EML6: variants seen among roughly 807,000 people sequenced by gnomAD.
The protein encoded by EML6 is echinoderm microtubule-associated protein-like 6.
A neutral mutation model predicts 240.1 loss-of-function variants in EML6; 154 were observed. The ratio of observed to expected loss-of-function variants is 0.64; its 90% CI spans 0.56 to 0.73. EML6 has a LOEUF of 0.73. EML6 is among the 30% of genes least tolerant of loss of function. The pLI, the probability that EML6 is intolerant of heterozygous loss-of-function variation, is 0.00. For missense variants in EML6, 2,964 were observed against 2,474.6 expected (o/e 1.20, Z -4.20); for synonymous variants, 1,148 against 899.0 (o/e 1.28, Z -4.95).
chr2:54,813,344 G>T lies in EML6; in HGVS notation c.310G>T (p.Val104Phe). 6.4e-7 allele frequency: 1 copy of T among 1,551,654 alleles called. No individual in the cohort carries two copies. Among genetic ancestry groups the T allele is most frequent in the Non-Finnish European group, 8.7e-7 (1 of 1,146,800 alleles). Residue 104 changes from valine to phenylalanine, a missense_variant, in exon 3 of 42, where the codon GTC becomes TTC. Coordinates refer to ENST00000356458, the MANE Select transcript of EML6 (RefSeq NM_001039753.4). The stretch of plus-strand genomic sequence containing the variant: ...CCAGACTGTGTCTCTTCTTAAAGAT[G>T]TCCATACACATGGAGTTGCCTGCCT... ...NVQTVSLLKD[V>F]HTHGVACLAF...
chr2:54,901,674 A>G (rs1340848539), intron 22 of EML6, among the ~76,000 whole-genome samples: 1 of 152,162 alleles, frequency 6.6e-6, no homozygotes, highest in Non-Finnish European at 1.5e-5. Context: ...GCAGGCTTGT[A>G]TTTTCATTGT....
intron 17 of EML6, among the ~76,000 whole-genome samples, chr2:54,887,039 C>T (rs141339231): frequency 3.9e-5 from 6 of 152,294 alleles, no homozygotes; most frequent in Admixed American, 2.6e-4. Flanking sequence ...TCTGGCAATT[C>T]TAAACAATGT....
chr2:54,819,264 A>T (rs1363763227), intron 4 of EML6, among the ~76,000 whole-genome samples: 1 of 152,320 alleles, frequency 6.6e-6, no homozygotes. Flanking sequence ...AATGCGTTCC[A>T]TGGATCTACC....
chr2:54,906,059 A>C (rs375234521), intron 24 of EML6, among the ~76,000 whole-genome samples: 1 of 152,172 alleles, frequency 6.6e-6, no homozygotes, highest in African/African-American at 2.4e-5. Context: ...GTAATTGCTG[A>C]ATCATATGGT....
At chr2:54,851,518 T>G (rs953847765) in intron 10 of EML6, among the ~76,000 whole-genome samples, 8 of 152,236 alleles carry the variant, frequency 5.3e-5, no homozygotes, top group African/African-American at 1.9e-4. Flanking sequence ...TAGGATTTGT[T>G]GAAACTGTGG....
chr2:54,727,254 G>T (rs1682952544), intron 2 of EML6, among the ~76,000 whole-genome samples: 1 of 138,078 alleles, frequency 7.2e-6, no homozygotes, highest in South Asian at 2.2e-4. Flanking sequence ...CCTGATTTCA[G>T]AGGAAGGACT....
At chr2:54,865,469 A>G (rs1670924195) in intron 13 of EML6, among the ~76,000 whole-genome samples, 1 of 152,232 alleles carries the variant, frequency 6.6e-6, no homozygotes, top group African/African-American at 2.4e-5. Context: ...GTCTCTAAGA[A>G]AAATAAATAA....
At chr2:54,964,474 C>G in intron 37 of EML6, 97 bp from the exon 38 acceptor site, 1 of 1,200,622 alleles carries the variant, frequency 8.3e-7, no homozygotes, top group Non-Finnish European at 1.2e-6. Flanking sequence ...CTCTCATTGC[C>G]TTTAGGCCTG....
intron 28 of EML6, among the ~76,000 whole-genome samples, chr2:54,930,801 G>T (rs1202875756): frequency 6.6e-6 from 1 of 152,042 alleles, no homozygotes; most frequent in Non-Finnish European, 1.5e-5. Flanking sequence ...GCCCTGCCAG[G>T]TAGGGTCAGC....
chr2:54,967,452 C>T (rs72910860), intron 39 of EML6, among the ~76,000 whole-genome samples: 2,780 of 152,226 alleles, frequency 0.018, 91 homozygotes, highest in African/African-American at 0.064. Flanking sequence ...GGCCAGACCC[C>T]GGCTTAGCAG....
At chr2:54,851,677 G>A (rs1015169807) in intron 10 of EML6, among the ~76,000 whole-genome samples, 1 of 152,178 alleles carries the variant, frequency 6.6e-6, no homozygotes, top group Non-Finnish European at 1.5e-5. Context: ...CATTATCCAA[G>A]TCTTTTGCTT....
intron 38 of EML6, among the ~76,000 whole-genome samples, chr2:54,966,286 G>T (rs1269930053): frequency 1.3e-5 from 2 of 152,224 alleles, no homozygotes; most frequent in African/African-American, 2.4e-5. Context: ...GTGTGTAGGT[G>T]TTAGCCAACA....
chr2:54,923,054 G>C (rs1674345804), intron 26 of EML6, among the ~76,000 whole-genome samples: 2 of 145,834 alleles, frequency 1.4e-5, no homozygotes, highest in African/African-American at 5.1e-5. Flanking sequence ...CGATTCTCCT[G>C]CCTCAGCCCC....
intron 17 of EML6, among the ~76,000 whole-genome samples, chr2:54,889,943 G>A (rs1672378465): frequency 6.6e-6 from 1 of 152,234 alleles, no homozygotes; most frequent in South Asian, 2.1e-4. Flanking sequence ...CACATAGCAT[G>A]TTTGGAGAGC....
In EML6 at chr2:54,910,987, A is replaced by C. The variant is rs1673609679; in HGVS notation, c.3443A>C (p.Glu1148Ala). 2 of 1,538,778 alleles carry C rather than the reference A, an allele frequency of 1.3e-6. No individual in the cohort carries two copies. Among genetic ancestry groups the C allele is most frequent in the Non-Finnish European group, 1.8e-6 (2 of 1,137,828 alleles). Residue 1148 changes from glutamate (E) to alanine (A), a missense_variant, in exon 25 of 42, where the codon GAA becomes GCA. Glu to Ala is a moderately radical substitution (Grantham distance 107). Coordinates refer to ENST00000356458, the MANE Select transcript of EML6 (RefSeq NM_001039753.4). ...KLLQVNSGAR[E>A]QLFFEAPRGK... ...TTGCAAGTGAATTCAGGTGCCAGAG[A>C]ACAACTTTTTTTTGAAGCTCCAAGA... is the stretch of plus-strand genomic sequence containing the variant.
intron 2 of EML6, among the ~76,000 whole-genome samples, chr2:54,798,648 A>C (rs535229419): frequency 6.6e-6 from 1 of 152,284 alleles, no homozygotes; most frequent in South Asian, 2.1e-4. Context: ...AAATATTGTT[A>C]TACTGAATTC....
At chr2:54,905,734 C>T (rs1266150933) in intron 24 of EML6, among the ~76,000 whole-genome samples, 1 of 152,130 alleles carries the variant, frequency 6.6e-6, no homozygotes. Flanking sequence ...TACTTTCTGT[C>T]TCTATGAATG....
intron 26 of EML6, among the ~76,000 whole-genome samples, chr2:54,923,677 G>T (rs1164018557): frequency 6.6e-6 from 1 of 152,026 alleles, no homozygotes; most frequent in Non-Finnish European, 1.5e-5. Context: ...TAAATGTTCA[G>T]TGTTCCATTT....
chr2:54,891,946 C>G (rs1672490124), intron 18 of EML6, among the ~76,000 whole-genome samples: 1 of 152,118 alleles, frequency 6.6e-6, no homozygotes, highest in African/African-American at 2.4e-5. Context: ...ATTCTTTTTT[C>G]TCACCCCAAA....
Sources: gnomAD v4.1 joint callset for allele counts (sites outside exome capture counted in the v4.1 genomes callset) on GRCh38, gnomAD v4.1.1 for gene constraint, MANE v1.5 for transcripts, NCBI Gene and HGNC (gene_info 2026-07-23, HGNC 2026-07-21) for gene names.